The following ST18 variants were observed in gnomAD, a reference collection of about 807,000 sequenced individuals.
ST18 encodes the protein ST18 C2H2C-type zinc finger transcription factor.
Under a neutral mutation model 110.0 loss-of-function variants are expected in ST18, and 50 were observed. That is an observed-to-expected ratio of 0.45 (90% CI 0.36 to 0.58). ST18 has a LOEUF of 0.58. ST18 is among the 20% of genes least tolerant of loss of function. ST18 has a pLI of 0.00. For missense variants in ST18, 1,306 were observed against 1,280.1 expected (o/e 1.02, Z -0.31); for synonymous variants, 461 against 452.4 (o/e 1.02, Z -0.24).
intron 2 of ST18, among the ~76,000 whole-genome samples, chr8:52,378,767 A>G (rs527719133): frequency 6.6e-6 from 1 of 152,330 alleles, no homozygotes; most frequent in South Asian, 2.1e-4. Context: ...AAGACTGAGT[A>G]TTTGGAGAAT....
At chr8:52,125,912 G>A in intron 23 of ST18, 140 bp downstream of exon 23, 1 of 687,064 alleles carries the variant, frequency 1.5e-6, no homozygotes, top group Non-Finnish European at 2.3e-6. Flanking sequence ...TATAATTTTA[G>A]TTCAAATCTG....
At chr8:52,277,666 G>A (rs2095300106) in intron 2 of ST18, among the ~76,000 whole-genome samples, 1 of 152,164 alleles carries the variant, frequency 6.6e-6, no homozygotes, top group Admixed American at 6.5e-5. Flanking sequence ...ATAACTTTAA[G>A]AGTAGAAACA....
chr8:52,361,237 T>A (rs1825615567), intron 2 of ST18, among the ~76,000 whole-genome samples: 1 of 152,228 alleles, frequency 6.6e-6, no homozygotes, highest in Non-Finnish European at 1.5e-5. Context: ...TTATCTACCT[T>A]TAATCATCAA....
intron 25 of ST18, among the ~76,000 whole-genome samples, chr8:52,114,514 G>T (rs1249944204): frequency 6.6e-6 from 1 of 152,176 alleles, no homozygotes; most frequent in Non-Finnish European, 1.5e-5. Flanking sequence ...TGTTATTGTT[G>T]CTATTTAAGG....
chr8:52,276,466 A>T (rs915942577), intron 2 of ST18, among the ~76,000 whole-genome samples: 3 of 151,974 alleles, frequency 2.0e-5, no homozygotes, highest in Non-Finnish European at 2.9e-5. Flanking sequence ...CCTCTATGAA[A>T]CCAAAAAAAG....
At position 52,231,198 on chromosome 8, in the gene ST18, T is replaced by C. The variant is rs1287802086; in HGVS notation, c.-464-1121A>G. Reference sequence around the variant, plus strand: ...TTTATTACCCAGATAATAGCTCTTTTATCTATATAATGGCTCTGCTTTCCA... The same window carrying C: ...TTTATTACCCAGATAATAGCTCTTTCATCTATATAATGGCTCTGCTTTCCA... On this transcript the variant is annotated intron_variant, in intron 2 of 25. Transcript: ENST00000689386. 2.0e-5 allele frequency among the ~76,000 whole-genome samples: 3 copies of C among 152,240 alleles called. No individual in the cohort carries two copies. The East Asian group carries it at 5.8e-4, about 29-fold the overall frequency.
chr8:52,341,082 C>G (rs1239915012), intron 2 of ST18, among the ~76,000 whole-genome samples: 2 of 152,174 alleles, frequency 1.3e-5, no homozygotes, highest in Admixed American at 6.5e-5. Context: ...CTGCAACCCC[C>G]CTAATCAAAC....
intron 17 of ST18, among the ~76,000 whole-genome samples, chr8:52,141,073 A>G (rs1316711625): frequency 6.6e-6 from 1 of 152,172 alleles, no homozygotes; most frequent in African/African-American, 2.4e-5. Context: ...GCATGTTTGG[A>G]ACCATCCGTT....
chr8:52,225,746 A>G (rs1475390214), intron 3 of ST18, among the ~76,000 whole-genome samples: 1 of 152,226 alleles, frequency 6.6e-6, no homozygotes, highest in Non-Finnish European at 1.5e-5. Context: ...TAAACTGTAA[A>G]CAGGAATAGA....
intron 2 of ST18, chr8:52,405,515 T>C (rs1005117144): frequency 3.3e-5 from 5 of 152,224 alleles, no homozygotes; most frequent in Non-Finnish European, 5.9e-5. Flanking sequence ...TGAAAACAAA[T>C]AGCAAATATT....
Position 52,165,281 on chromosome 8 carries a change from A to G in ST18, c.1205-56T>C, listed in dbSNP as rs375669056. 1.5e-5 allele frequency: 23 copies of G among 1,548,272 alleles called. No homozygotes were observed. The African/African-American group carries it at 2.6e-4, about 17-fold the overall frequency. On this transcript the variant is annotated intron_variant, in intron 11 of 25. Coordinates refer to ENST00000689386, the MANE Select transcript of ST18 (RefSeq NM_001352837.2). ...ATACTTTACCATAAATACAAAGCAC[A>G]CTAACACGTGTATCTCTCAACTTTG...
intron 2 of ST18, among the ~76,000 whole-genome samples, chr8:52,253,543 T>G (rs1209953197): frequency 1.3e-5 from 2 of 152,184 alleles, no homozygotes; most frequent in African/African-American, 4.8e-5. Flanking sequence ...CTTATCAATT[T>G]AAATTTCCTG....
chr8:52,369,261 T>G (rs987485008), intron 2 of ST18, among the ~76,000 whole-genome samples: 4 of 152,204 alleles, frequency 2.6e-5, no homozygotes, highest in African/African-American at 9.6e-5. Context: ...TCTCCCAGAC[T>G]AAACACACTT....
chr8:52,319,643 C>T (rs562345246), intron 2 of ST18, among the ~76,000 whole-genome samples: 1 of 152,196 alleles, frequency 6.6e-6, no homozygotes, highest in East Asian at 1.9e-4. Flanking sequence ...TATTATAAAA[C>T]AACAAATATT....
chr8:52,213,141 A>G (rs1007844470), intron 7 of ST18, among the ~76,000 whole-genome samples: 26 of 152,206 alleles, frequency 1.7e-4, no homozygotes, highest in Non-Finnish European at 3.7e-4. Context: ...AAAATAATAC[A>G]GTATAAAATT....
At chr8:52,273,188 A>G (rs905075099) in intron 2 of ST18, among the ~76,000 whole-genome samples, 1 of 152,246 alleles carries the variant, frequency 6.6e-6, no homozygotes, top group African/African-American at 2.4e-5. Flanking sequence ...CAGCAGTTGG[A>G]CAGCTTTATC....
chr8:52,287,716 G>C (rs552306616), intron 2 of ST18, among the ~76,000 whole-genome samples: 1 of 152,294 alleles, frequency 6.6e-6, no homozygotes, highest in South Asian at 2.1e-4. Flanking sequence ...GCAACCCCAG[G>C]TAGAACTGAA....
chr8:52,244,716 G>A (rs952653715), intron 2 of ST18, among the ~76,000 whole-genome samples: 3 of 152,048 alleles, frequency 2.0e-5, no homozygotes, highest in African/African-American at 7.2e-5. Context: ...GAGTCCCAAG[G>A]GCACTGTACT....
At chr8:52,293,383 C>T (rs1290598435) in intron 2 of ST18, among the ~76,000 whole-genome samples, 2 of 152,216 alleles carry the variant, frequency 1.3e-5, no homozygotes, top group Non-Finnish European at 2.9e-5. Context: ...ATGTGCACAG[C>T]ACATGTGCCA....
Sources: allele counts gnomAD v4.1 joint callset (sites outside exome capture counted in the v4.1 genomes callset), GRCh38; gene constraint gnomAD v4.1.1; transcripts MANE v1.5; gene names NCBI Gene and HGNC (gene_info 2026-07-23, HGNC 2026-07-21).